Variants in CSMD1 observed in about 807,000 individuals in gnomAD.
CSMD1 encodes the protein CUB and Sushi multiple domains 1.
CSMD1 carries 213 observed loss-of-function variants against 417.5 expected under a neutral mutation model. That is an observed-to-expected ratio of 0.51 (90% confidence interval 0.46 to 0.57). The LOEUF is 0.57. CSMD1 is among the 20% of genes least tolerant of loss of function. CSMD1 has a pLI of 0.00. For synonymous variants in CSMD1, 2,862 were observed against 1,736.8 expected (o/e 1.65, Z -16.11); for missense variants, 6,923 against 4,529.7 (o/e 1.53, Z -15.17).
Position 3,575,148 on chromosome 8 carries a change from G to A in CSMD1, c.1223-82C>T, listed in dbSNP as rs141410052. 5.7e-4 allele frequency: 752 copies of A among 1,310,696 alleles called. 6 individuals carry two copies. In the African/African-American group the frequency reaches 0.011, roughly 18 times the overall value. The allele number at this position is 1,310,696 out of a possible 1,614,324, so 81.2% of individuals were successfully genotyped here. A position where few individuals can be genotyped will look rare whatever the true frequency, so the allele number is the denominator to read the frequency against. On this transcript the variant is annotated intron_variant, in intron 9 of 69. Coordinates refer to ENST00000635120, the MANE Select transcript of CSMD1 (RefSeq NM_033225.6). ...ACATAACATTTATGGGAAATTTCAA[G>A]TTAGCTATTATCTAATCACAGTAAA... is the stretch of plus-strand genomic sequence containing the variant.
intron 3 of CSMD1, among the ~76,000 whole-genome samples, chr8:4,172,859 T>A (rs532232343): frequency 6.6e-6 from 1 of 152,190 alleles, no homozygotes; most frequent in African/African-American, 2.4e-5. Context: ...CACAGCCGTG[T>A]GCGTAGGCAT....
At chr8:4,005,736 G>T (rs2740969) in intron 4 of CSMD1, among the ~76,000 whole-genome samples, 5 of 151,968 alleles carry the variant, frequency 3.3e-5, no homozygotes, top group African/African-American at 1.2e-4. Flanking sequence ...AGCTAAATAT[G>T]TGGAAGTGAG....
intron 5 of CSMD1, among the ~76,000 whole-genome samples, chr8:3,801,938 A>G (rs1211804115): frequency 1.3e-5 from 2 of 152,138 alleles, no homozygotes; most frequent in African/African-American, 2.4e-5. Flanking sequence ...GAGTCAGGGT[A>G]GAACAGAAAA....
At chr8:4,799,655 T>C (rs954370461) in intron 1 of CSMD1, among the ~76,000 whole-genome samples, 1 of 136,606 alleles carries the variant, frequency 7.3e-6, no homozygotes, top group Non-Finnish European at 1.6e-5. Context: ...CACACAAGTA[T>C]CTGAAAAATT....
intron 3 of CSMD1, among the ~76,000 whole-genome samples, chr8:4,147,531 T>G (rs547227087): frequency 6.6e-6 from 1 of 152,198 alleles, no homozygotes; most frequent in Admixed American, 6.5e-5. Context: ...CCCTCCTCCT[T>G]AGGCATTTTA....
intron 5 of CSMD1, among the ~76,000 whole-genome samples, chr8:3,941,480 CT>C (rs1329675196): frequency 6.6e-6 from 1 of 152,040 alleles, no homozygotes; most frequent in Non-Finnish European, 1.5e-5. Context: ...TAAATGCATC[CT>C]CAAGGTATCT....
chr8:4,642,559 T>C (rs1283738904), intron 1 of CSMD1, among the ~76,000 whole-genome samples: 1 of 152,114 alleles, frequency 6.6e-6, no homozygotes, highest in African/African-American at 2.4e-5. Flanking sequence ...AACGCCTTCC[T>C]AGATTCTACA....
intron 41 of CSMD1, chr8:3,127,421 G>C (rs1355570390): frequency 6.6e-6 from 1 of 152,176 alleles, no homozygotes; most frequent in African/African-American, 2.4e-5. Flanking sequence ...ATTATGGTTT[G>C]TATACAAGCA....
At chr8:3,416,321 A>C (rs1813149236) in intron 12 of CSMD1, among the ~76,000 whole-genome samples, 1 of 151,146 alleles carries the variant, frequency 6.6e-6, no homozygotes, top group Admixed American at 6.6e-5. Flanking sequence ...AAAAAAAAAA[A>C]AAAAAGTGTT....
intron 49 of CSMD1, among the ~76,000 whole-genome samples, chr8:3,055,253 A>G (rs147212863): frequency 1.3e-5 from 2 of 152,290 alleles, no homozygotes; most frequent in African/African-American, 4.8e-5. Context: ...CTGGATGCTT[A>G]TTTGAGAAGT....
intron 2 of CSMD1, among the ~76,000 whole-genome samples, chr8:4,470,357 C>T (rs1176246272): frequency 6.6e-6 from 1 of 152,182 alleles, no homozygotes; most frequent in East Asian, 1.9e-4. Context: ...GGTTCAACTC[C>T]CAATGCTTCC....
chr8:4,157,175 T>G (rs1210730863), intron 3 of CSMD1, among the ~76,000 whole-genome samples: 2 of 152,126 alleles, frequency 1.3e-5, no homozygotes, highest in South Asian at 2.1e-4. Context: ...AAGAAGATTT[T>G]GGGACAAGTG....
At chr8:4,550,437 A>C (rs542019135) in intron 2 of CSMD1, among the ~76,000 whole-genome samples, 1 of 152,186 alleles carries the variant, frequency 6.6e-6, no homozygotes, top group Admixed American at 6.5e-5. Context: ...CTATTAAAAA[A>C]ACTGTAAACT....
At chr8:4,202,345 T>A (rs1799706830) in intron 3 of CSMD1, among the ~76,000 whole-genome samples, 1 of 152,252 alleles carries the variant, frequency 6.6e-6, no homozygotes, top group Admixed American at 6.5e-5. Flanking sequence ...TATGGCATTT[T>A]AATGTCTTCA....
intron 49 of CSMD1, among the ~76,000 whole-genome samples, chr8:3,065,251 C>A (rs1173844959): frequency 6.6e-6 from 1 of 151,686 alleles, no homozygotes; most frequent in African/African-American, 2.4e-5. Flanking sequence ...AAGATAGGAA[C>A]ATACACAGAG....
intron 7 of CSMD1, among the ~76,000 whole-genome samples, chr8:3,659,057 T>G (rs1035329867): frequency 1.3e-5 from 2 of 152,226 alleles, no homozygotes; most frequent in East Asian, 1.9e-4. Context: ...TTGCATCTAC[T>G]TGAAATTAGT....
chr8:3,452,566 T>G (rs935006874), intron 12 of CSMD1, among the ~76,000 whole-genome samples: 1 of 152,334 alleles, frequency 6.6e-6, no homozygotes, highest in East Asian at 1.9e-4. Flanking sequence ...CTGCATCTAT[T>G]GAGATAATCA....
intron 3 of CSMD1, among the ~76,000 whole-genome samples, chr8:4,148,348 T>C (rs1385232617): frequency 8.7e-6 from 1 of 115,268 alleles, no homozygotes; most frequent in African/African-American, 3.4e-5. Flanking sequence ...AAGGGAAACA[T>C]CACACACCGG....
At chr8:4,841,995 T>C (rs1033433388) in intron 1 of CSMD1, among the ~76,000 whole-genome samples, 8 of 148,876 alleles carry the variant, frequency 5.4e-5, no homozygotes, top group Non-Finnish European at 8.9e-5. Context: ...CTCTAATTGA[T>C]AGGGAAACCC....
Sources: allele counts gnomAD v4.1 joint callset (sites outside exome capture counted in the v4.1 genomes callset), GRCh38; gene constraint gnomAD v4.1.1; transcripts MANE v1.5; gene names NCBI Gene and HGNC (gene_info 2026-07-23, HGNC 2026-07-21).